The following PAH variants were observed in gnomAD, a reference collection of about 807,000 sequenced individuals.
PAH encodes the protein phenylalanine hydroxylase, also known as phenylalanine-4-hydroxylase.
A neutral mutation model predicts 62.0 loss-of-function variants in PAH; 64 were observed. The ratio of observed to expected loss-of-function variants is 1.03; its 90% confidence interval spans 0.84 to 1.27. The LOEUF (loss-of-function observed/expected upper bound fraction) is 1.27, where lower values mean the gene tolerates loss of function less well. Ranked by LOEUF, PAH falls within the 50% of genes most tolerant of loss-of-function variation. PAH has a pLI of 0.00. For synonymous variants in PAH, 195 were observed against 196.2 expected (o/e 0.99, Z 0.05); for missense variants, 579 against 542.8 (o/e 1.07, Z -0.66).
chr12:102,927,270 C>G lies in PAH; in HGVS notation c.-95-10045G>C, dbSNP rs528016723. ...CACCAGGTCAATTCATACACTACAT[C>G]TTCAAAAAAGTTTTTTTTTTTTTTT... is the stretch of plus-strand genomic sequence containing the variant. On this transcript the variant is annotated intron_variant, in intron 1 of 3. Coordinates refer to the PAH transcript ENST00000546844. Among the ~76,000 whole-genome samples, 18 of 148,816 alleles carry G rather than the reference C, an allele frequency of 1.2e-4. No homozygotes were observed. In the East Asian group the frequency reaches 3.5e-3, roughly 29 times the overall value.
At chr12:102,881,161 G>A (rs934569849) in intron 3 of PAH, among the ~76,000 whole-genome samples, 13 of 150,898 alleles carry the variant, frequency 8.6e-5, no homozygotes, top group African/African-American at 2.9e-4. Context: ...ATACAGGTGC[G>A]TGCCACCACA....
At chr12:102,936,153 A>C (rs1252928504) in intron 1 of PAH, among the ~76,000 whole-genome samples, 1 of 152,116 alleles carries the variant, frequency 6.6e-6, no homozygotes, top group Non-Finnish European at 1.5e-5. Context: ...CTGGTCATTC[A>C]GGAACGTATT....
At chr12:102,864,558 C>G (rs151258477) in intron 5 of PAH, among the ~76,000 whole-genome samples, 168 of 152,098 alleles carry the variant, frequency 1.1e-3, no homozygotes, top group African/African-American at 3.8e-3. Context: ...AACGAAAGCA[C>G]AAAAATGTTA....
intron 3 of PAH, among the ~76,000 whole-genome samples, chr12:102,879,098 C>T (rs1437974654): frequency 6.6e-6 from 1 of 152,068 alleles, no homozygotes; most frequent in Non-Finnish European, 1.5e-5. Flanking sequence ...GCCTACTTAT[C>T]CTCTCTGTGT....
At chr12:102,851,114 G>T (rs59337166) in intron 8 of PAH, among the ~76,000 whole-genome samples, 1 of 150,578 alleles carries the variant, frequency 6.6e-6, no homozygotes, top group Middle Eastern at 3.4e-3. Context: ...GAAAGAAAAA[G>T]AAAAAGAAAG....
chr12:102,933,751 C>T (rs1878999981), intron 1 of PAH, among the ~76,000 whole-genome samples: 1 of 152,102 alleles, frequency 6.6e-6, no homozygotes, highest in African/African-American at 2.4e-5. Flanking sequence ...TTTCTTTTCA[C>T]AATGCTTATT....
intron 4 of PAH, among the ~76,000 whole-genome samples, chr12:102,876,032 A>C (rs933231892): frequency 6.9e-6 from 1 of 144,636 alleles, no homozygotes; most frequent in African/African-American, 2.6e-5. Flanking sequence ...ATAGTGTGAT[A>C]ATAGGTGATT....
At chr12:102,907,337 G>A (rs940059310) in intron 2 of PAH, among the ~76,000 whole-genome samples, 1 of 152,134 alleles carries the variant, frequency 6.6e-6, no homozygotes, top group African/African-American at 2.4e-5. Flanking sequence ...GCAGAGGTGT[G>A]GGGTGTAATA....
intron 1 of PAH, among the ~76,000 whole-genome samples, chr12:102,939,255 C>A (rs1252696119): frequency 6.6e-6 from 1 of 152,172 alleles, no homozygotes; most frequent in African/African-American, 2.4e-5. Context: ...CCACTGCTAC[C>A]TTCTGGCTGA....
chr12:102,895,270 A>G (rs1454829681), intron 2 of PAH, among the ~76,000 whole-genome samples: 3 of 152,184 alleles, frequency 2.0e-5, no homozygotes, highest in Non-Finnish European at 2.9e-5. Context: ...CACTTTCCAA[A>G]CGAAATTCTA....
chr12:102,851,870 A>G (rs1353373508), intron 7 of PAH, 114 bp from the exon 8 acceptor site: 4 of 772,792 alleles, frequency 5.2e-6, no homozygotes, highest in African/African-American at 1.7e-5. Context: ...TTTTAGGCTT[A>G]TGATCCCTCT....
chr12:102,893,510 T>G (rs1877367038), intron 3 of PAH, among the ~76,000 whole-genome samples: 1 of 152,230 alleles, frequency 6.6e-6, no homozygotes, highest in Admixed American at 6.5e-5. Flanking sequence ...CTGTATTGCT[T>G]TCAGGCTAAT....
intron 9 of PAH, among the ~76,000 whole-genome samples, chr12:102,845,085 C>A (rs1050545691): frequency 6.6e-6 from 1 of 152,302 alleles, no homozygotes; most frequent in South Asian, 2.1e-4. Context: ...AAGGCAGCAA[C>A]TGCCCCAGTG....
chr12:102,848,391 A>G (rs111347779), intron 8 of PAH, among the ~76,000 whole-genome samples: 1,354 of 118,152 alleles, frequency 0.011, 18 homozygotes, highest in African/African-American at 0.039. Flanking sequence ...GGACACTAGA[A>G]AGGCTGAGTG....
intron 2 of PAH, among the ~76,000 whole-genome samples, chr12:102,908,389 A>G (rs1878064415): frequency 6.6e-6 from 1 of 152,228 alleles, no homozygotes; most frequent in Non-Finnish European, 1.5e-5. Flanking sequence ...CAACCTCTCA[A>G]GGAGAAAATG....
At chr12:102,948,329 G>T (rs80315628) in intron 1 of PAH, among the ~76,000 whole-genome samples, 14,948 of 152,226 alleles carry the variant, frequency 0.098, 1,311 homozygotes, top group African/African-American at 0.23. Flanking sequence ...ATCAGAGGAT[G>T]AGGCTACATA....
rs967631327 is a variant in PAH, at chr12:102,957,773, T to TAA, written c.-96+420_-96+421dup. The TAA allele has an allele frequency of 6.5e-6, 1 of 153,750 alleles. No individual in the cohort carries two copies. Among genetic ancestry groups the TAA allele is most frequent in the African/African-American group, 2.4e-5 (1 of 41,410 alleles). 9.5% of individuals were successfully genotyped at this position (153,750 alleles called of 1,614,324 possible). On this transcript the variant is annotated intron_variant, in intron 1 of 4. Transcript: ENST00000551337. This position sits in a 1 kb window ranked among gnomAD's most constrained non-coding sequence, Gnocchi z 4.1. ...GAAGGAAATCAGAAAGGAAGGGAGT[T>TAA]AACAAAATAATAAAAACAGCCTGAG...
intron 1 of PAH, among the ~76,000 whole-genome samples, chr12:102,940,879 C>G (rs931129602): frequency 1.3e-5 from 2 of 152,002 alleles, no homozygotes; most frequent in African/African-American, 4.8e-5. Flanking sequence ...ATCAGAATCT[C>G]GAAGGTCAGT....
At chr12:102,854,866 T>A in intron 6 of PAH, 1 of 516,902 alleles carries the variant, frequency 1.9e-6, no homozygotes, top group Non-Finnish European at 3.5e-6. Flanking sequence ...GGGCTTTAAG[T>A]GTGAAAGAAA....
Sources: gnomAD v4.1 joint callset for allele counts (sites outside exome capture counted in the v4.1 genomes callset) on GRCh38, gnomAD v4.1.1 for gene constraint, Gnocchi (gnomAD v3.1) non-coding constraint, MANE v1.5 for transcripts, NCBI Gene and HGNC (gene_info 2026-07-23, HGNC 2026-07-21) for gene names.